The following DNAJC6 variants were observed in gnomAD, a reference collection of about 807,000 sequenced individuals.
DNAJC6 encodes auxilin.
DNAJC6 carries 34 observed loss-of-function variants against 110.0 expected under a neutral mutation model. The ratio of observed to expected loss-of-function variants is 0.31; its 90% CI spans 0.24 to 0.41. DNAJC6 has a LOEUF of 0.41. Among genes scored for constraint, DNAJC6 ranks in the 10% least tolerant of loss-of-function variants. The pLI is 1.00. For synonymous variants in DNAJC6, 406 were observed against 437.2 expected, an observed-to-expected ratio of 0.93 and a Z score of 0.89; for missense variants, 1,031 against 1,207.8, an observed-to-expected ratio of 0.85 and a Z score of 2.17.
intron 16 of DNAJC6, among the ~76,000 whole-genome samples, chr1:65,406,960 T>C (rs939908997): frequency 6.6e-6 from 1 of 152,202 alleles, no homozygotes; most frequent in Non-Finnish European, 1.5e-5. Context: ...GTCCTTACTG[T>C]ATGGCAGGTG....
intron 1 of DNAJC6, among the ~76,000 whole-genome samples, chr1:65,342,707 C>A (rs1186727445): frequency 6.6e-6 from 1 of 152,186 alleles, no homozygotes; most frequent in Non-Finnish European, 1.5e-5. Context: ...AGCTTGTAGT[C>A]TAGTTCCCAG....
intron 14 of DNAJC6, 69 bp from the exon 15 acceptor site, chr1:65,401,692 G>A (rs2101628701): frequency 6.4e-7 from 1 of 1,567,350 alleles, no homozygotes; most frequent in Non-Finnish European, 8.6e-7. Context: ...CAGTAACTCT[G>A]GAATTCTGAA....
intron 14 of DNAJC6, among the ~76,000 whole-genome samples, chr1:65,400,880 A>G (rs954266554): frequency 6.6e-6 from 1 of 152,122 alleles, no homozygotes; most frequent in Admixed American, 6.5e-5. Flanking sequence ...TGGCAGTTCT[A>G]TTTTTAATAT....
rs76838225 is a variant in DNAJC6, at chr1:65,297,451, T to A, written c.-131+32519T>A. On this transcript the variant is annotated intron_variant, in intron 1 of 19. Coordinates refer to the DNAJC6 transcript ENST00000263441. Reference sequence around the variant, plus strand: ...ATTGAAAGGGATAGTCTACCCTTTATAACTCTGTCCAGCTTTAGTAGTCCA... The same window carrying A: ...ATTGAAAGGGATAGTCTACCCTTTAAAACTCTGTCCAGCTTTAGTAGTCCA... 3.4e-3 allele frequency among the ~76,000 whole-genome samples: 516 copies of A among 152,378 alleles called. 2 individuals are homozygous for A. Among genetic ancestry groups the A allele is most frequent in the African/African-American group, 0.012 (481 of 41,590 alleles).
chr1:65,379,541 T>C lies in DNAJC6; in HGVS notation c.666+17T>C. 1 of 1,613,642 alleles carries C rather than the reference T, an allele frequency of 6.2e-7. No homozygotes were observed. On this transcript the variant is annotated intron_variant, in intron 5 of 18. Transcript: ENST00000371069. ...CACTGCTTGGTGAGTAACCTTTTGT[T>C]GTTGGTGGTGATGGTTTGGTTTGGT...
In DNAJC6 at chr1:65,347,317, A is replaced by C. The variant is rs540711474; in HGVS notation, c.194-17318A>C. 3.3e-5 allele frequency among the ~76,000 whole-genome samples: 5 copies of C among 152,258 alleles called. No individual in the cohort carries two copies. In the South Asian group the frequency reaches 1.0e-3, roughly 32 times the overall value. ...TAATTTCATCTTCTTTGGTTTCAGTAGACCTCAGGGGTAGAGAAGTGAGTT... is the reference window on the plus strand; with the variant it reads ...TAATTTCATCTTCTTTGGTTTCAGTCGACCTCAGGGGTAGAGAAGTGAGTT... On this transcript the variant is annotated intron_variant, in intron 1 of 18. Coordinates refer to ENST00000371069, the MANE Select transcript of DNAJC6 (RefSeq NM_001256864.2).
At chr1:65,266,843 G>A (rs921188450) in intron 1 of DNAJC6, among the ~76,000 whole-genome samples, 39 of 152,114 alleles carry the variant, frequency 2.6e-4, no homozygotes, top group African/African-American at 7.7e-4. Flanking sequence ...CAGTGTATCA[G>A]TGTGTTTTAA....
At chr1:65,352,299 G>A (rs1213782844) in intron 1 of DNAJC6, among the ~76,000 whole-genome samples, 1 of 152,022 alleles carries the variant, frequency 6.6e-6, no homozygotes, top group East Asian at 1.9e-4. Flanking sequence ...TGACTGTTAT[G>A]TTCCTGACTG....
In DNAJC6 at chr1:65,291,113, A is replaced by G. The variant is rs552101334; in HGVS notation, c.-131+26181A>G. On this transcript the variant is annotated intron_variant, in intron 1 of 19. Coordinates refer to the DNAJC6 transcript ENST00000263441. ...CAGGGCACTATCTTGGCTCACTGCA[A>G]CGACCGCCTCCTGGGTTCAAGTGAT... Among the ~76,000 whole-genome samples, 283 of 152,330 alleles carry G rather than the reference A, an allele frequency of 1.9e-3. 1 individual carries two copies. The highest frequency in any genetic ancestry group is 3.0e-3 in the Non-Finnish European group (201 of 68,022).
At chr1:65,390,304 A>G (rs1307871520) in intron 11 of DNAJC6, among the ~76,000 whole-genome samples, 2 of 152,202 alleles carry the variant, frequency 1.3e-5, no homozygotes, top group Non-Finnish European at 2.9e-5. Context: ...ATATCAAATC[A>G]GCATTCCCCC....
At chr1:65,389,223 C>T (rs761746607) in intron 9 of DNAJC6, 33 bp from the exon 10 acceptor site, 1 of 1,585,620 alleles carries the variant, frequency 6.3e-7, no homozygotes, top group South Asian at 1.1e-5. Flanking sequence ...CATTGTTTTT[C>T]ACTGAATTTA....
chr1:65,362,589 T>C (rs982211090), intron 1 of DNAJC6, among the ~76,000 whole-genome samples: 6 of 152,234 alleles, frequency 3.9e-5, no homozygotes, highest in African/African-American at 1.4e-4. Flanking sequence ...TATGCATTTA[T>C]TTAATCTTTC....
At chr1:65,309,135 T>TTTTA (rs1645071299), upstream of DNAJC6, among the ~76,000 whole-genome samples, 1 of 152,040 alleles carries the variant, frequency 6.6e-6, no homozygotes, top group Non-Finnish European at 1.5e-5. Flanking sequence ...TGTGTCTGGA[T>TTTTA]TTTACCACAA....
intron 7 of DNAJC6, 106 bp from the exon 8 acceptor site, chr1:65,386,706 G>A: frequency 2.1e-6 from 2 of 971,388 alleles, no homozygotes; most frequent in South Asian, 3.0e-5. Context: ...GTCCGGGCCT[G>A]GGCGAACAGT....
intron 1 of DNAJC6, among the ~76,000 whole-genome samples, chr1:65,296,568 T>C (rs1375163272): frequency 2.6e-5 from 4 of 151,582 alleles, no homozygotes; most frequent in Admixed American, 6.6e-5. Flanking sequence ...GCAGTAGTTA[T>C]TCATTCATTC....
chr1:65,310,422 A>G (rs1368338866), intron 1 of DNAJC6, among the ~76,000 whole-genome samples: 3 of 152,194 alleles, frequency 2.0e-5, no homozygotes, highest in South Asian at 4.1e-4. Context: ...GCTATTTGCA[A>G]TTCTGTAAAG....
At chr1:65,389,751 G>A (rs1366447306) in intron 11 of DNAJC6, 124 bp downstream of exon 11, 4 of 1,031,496 alleles carry the variant, frequency 3.9e-6, no homozygotes, top group Non-Finnish European at 5.8e-6. Context: ...CCAGGCACAC[G>A]GACTCCCACC....
intron 1 of DNAJC6, among the ~76,000 whole-genome samples, chr1:65,321,881 G>A (rs1645200859): frequency 6.6e-6 from 1 of 152,192 alleles, no homozygotes; most frequent in Non-Finnish European, 1.5e-5. Context: ...GAAGAGACAA[G>A]CTGGAGGGAT....
intron 4 of DNAJC6, among the ~76,000 whole-genome samples, chr1:65,376,603 A>C (rs1411558224): frequency 6.6e-6 from 1 of 151,774 alleles, no homozygotes; most frequent in East Asian, 1.9e-4. Flanking sequence ...TTGTTTCAAG[A>C]AATTTTTAAA....
Sources: gnomAD v4.1 joint callset for allele counts (sites outside exome capture counted in the v4.1 genomes callset) on GRCh38, gnomAD v4.1.1 for gene constraint, MANE v1.5 for transcripts, NCBI Gene and HGNC (gene_info 2026-07-23, HGNC 2026-07-21) for gene names.